The following RTP5 variants were observed in gnomAD, a reference collection of about 807,000 sequenced individuals.
RTP5 encodes receptor-transporting protein 5.
Under a neutral mutation model 23.5 loss-of-function variants are expected in RTP5, and 30 were observed. The observed-to-expected ratio is 1.27, with a 90% CI of 0.95 to 1.73. The LOEUF is 1.73. Among genes scored for constraint, RTP5 ranks in the 40% most tolerant of loss-of-function variants. RTP5 has a pLI of 0.00. For missense variants in RTP5, 807 were observed against 784.2 expected (o/e 1.03, Z -0.35); for synonymous variants, 354 against 342.1 (o/e 1.03, Z -0.38).
In RTP5 at chr2:241,869,811, G is replaced by C. The variant is rs376257428; in HGVS notation, c.55G>C (p.Glu19Gln). ...CAGCACCTTCACCCTGGCCATGGCC[G>C]AGAGGAAGCCCCAGGACGTCTGGGT... ...WASTFTLAMA[E>Q]RKPQDVWVLL... is the part of the protein sequence containing the mutation. The change falls in exon 1 of 2, where the codon GAG (glutamate) becomes CAG (glutamine). Residue 19 changes from glutamate to glutamine, a missense_variant. Transcript: ENST00000343216. 6.4e-7 allele frequency: 1 copy of C among 1,557,582 alleles called. No homozygotes were observed. Among genetic ancestry groups the C allele is most frequent in the Non-Finnish European group, 8.7e-7 (1 of 1,153,144 alleles).
rs1023349107 is a variant in RTP5, at chr2:241,871,698, T to C, written c.159-16T>C. On this transcript the variant is annotated splice_polypyrimidine_tract_variant and intron_variant, in intron 1 of 1. Transcript: ENST00000343216. ...TCTTTCTCCTGCACTCACACACACT[T>C]CTTTCCCCGCCGCAGGCTCCAGTGC... 24 of 1,581,148 alleles carry C rather than the reference T, an allele frequency of 1.5e-5. No homozygotes were observed. In the Admixed American group the frequency reaches 4.1e-4, roughly 27 times the overall value.
In RTP5 at chr2:241,872,384, G is replaced by A. The variant is rs74351113; in HGVS notation, c.829G>A (p.Gly277Ser). The A allele has an allele frequency of 2.1e-5, 34 of 1,612,360 alleles. No individual in the cohort carries two copies. The Admixed American group carries it at 2.3e-4, about 11-fold the overall frequency. ...CCTCTTCCACGGCCCCGGCCTCCTC[G>A]GCAGCAGCATCCAGACCTTCGAGCT... Reference protein sequence around the residue: ...DPLFHGPGLLGSSIQTFELKG... With the variant: ...DPLFHGPGLLSSSIQTFELKG... The change falls in exon 2 of 2, where the codon GGC (glycine) becomes AGC (serine). Residue 277 changes from glycine (G) to serine (S), a missense_variant. Coordinates refer to ENST00000343216, the MANE Select transcript of RTP5 (RefSeq NM_173821.3).
At chr2:241,871,375 G>A (rs575163157) in intron 1 of RTP5, among the ~76,000 whole-genome samples, 248 of 152,366 alleles carry the variant, frequency 1.6e-3, no homozygotes, top group Middle Eastern at 3.4e-3. Flanking sequence ...AGGCTGGAGC[G>A]GGTTTTGTTG....
chr2:241,872,831 C>T lies in RTP5; in HGVS notation c.1276C>T (p.Pro426Ser), dbSNP rs138422162. 8.5e-4 allele frequency: 1,373 copies of T among 1,612,712 alleles called. 11 individuals carry two copies. The East Asian group carries it at 0.013, about 15-fold the overall frequency. ...CAAGGGCTCCCTTGCCCTCCCCTTC[C>T]CTGCTGATGTCCAAGGCAAAGATGC... ...QVKGSLALPF[P>S]ADVQGKDAFT... is the part of the protein sequence containing the mutation. The change falls in exon 2 of 2, where the codon CCT becomes TCT. Residue 426 changes from proline to serine, a missense_variant. Coordinates refer to ENST00000343216, the MANE Select transcript of RTP5 (RefSeq NM_173821.3).
At position 241,872,460 on chromosome 2, in the gene RTP5, TG is replaced by T. The variant is rs779562359; in HGVS notation, c.907del (p.Ala303ProfsTer180). On this transcript the variant is annotated frameshift_variant, in exon 2 of 2. Coordinates refer to ENST00000343216, the MANE Select transcript of RTP5 (RefSeq NM_173821.3). LOFTEE classifies it high-confidence loss of function. ...GRGSLCSPVG[V>X]AQGWGPISLN... ...GGCTCCCTCTGCAGCCCGGTTGGCG[TG>T]GCCCAGGGCTGGGGCCCCATCTCCC... 4 of 1,602,128 alleles carry T rather than the reference TG, an allele frequency of 2.5e-6. No homozygotes were observed.
At chr2:241,870,773 G>A (rs922062237) in intron 1 of RTP5, among the ~76,000 whole-genome samples, 1 of 152,246 alleles carries the variant, frequency 6.6e-6, no homozygotes, top group African/African-American at 2.4e-5. Flanking sequence ...GAGAACTGAG[G>A]ACGGCTGCCC....
In RTP5 at chr2:241,872,070, C is replaced by T. The variant is rs1701330938; in HGVS notation, c.515C>T (p.Pro172Leu). ...GCCAACGCCACAAAAGGCAACTTCC[C>T]CGCCACGGCCTGGGGTGGCACTGGC... ...WSANATKGNF[P>L]ATAWGGTGTV... Residue 172 changes from proline to leucine, a missense_variant, in exon 2 of 2, where the codon CCC becomes CTC. Physicochemically the swap from Pro to Leu is moderately conservative, Grantham distance 98. Coordinates refer to ENST00000343216, the MANE Select transcript of RTP5 (RefSeq NM_173821.3). 6.4e-7 allele frequency: 1 copy of T among 1,572,542 alleles called. No individual in the cohort carries two copies. The highest frequency in any genetic ancestry group is 8.7e-7 in the Non-Finnish European group (1 of 1,154,324).
chr2:241,871,665 G>A (rs567661978), intron 1 of RTP5, 49 bp from the exon 2 acceptor site: 71 of 1,530,308 alleles, frequency 4.6e-5, no homozygotes, highest in South Asian at 7.7e-5. Context: ...AGGGCTGGGC[G>A]TGGGGCCTCT....
At chr2:241,871,583 G>C in intron 1 of RTP5, 131 bp from the exon 2 acceptor site, 1 of 1,254,960 alleles carries the variant, frequency 8.0e-7, no homozygotes, top group Non-Finnish European at 1.1e-6. Flanking sequence ...TGAGGTTTGA[G>C]TGTGGGATGT....
Position 241,872,738 on chromosome 2 carries a change from C to T in RTP5, c.1183C>T (p.Gln395Ter), listed in dbSNP as rs1250745122. 5 of 1,595,622 alleles carry T rather than the reference C, an allele frequency of 3.1e-6. No individual in the cohort carries two copies. The highest frequency in any genetic ancestry group is 3.4e-6 in the Non-Finnish European group (4 of 1,170,064). The change falls in exon 2 of 2, where the codon CAG (glutamine) becomes TAG (stop). Residue 395 changes from glutamine (Q) to a stop codon, truncating the protein, a stop_gained. Coordinates refer to ENST00000343216, the MANE Select transcript of RTP5 (RefSeq NM_173821.3). LOFTEE classifies it high-confidence loss of function. ...AGGCAACGGGAAGGAAGGAGGCGGC[C>T]AGGGCCTCGTCCCAGTGGGTCACGA... ...AEGNGKEGGG[Q>*]GLVPVGHDAL...
In RTP5 at chr2:241,871,753, C is replaced by A. The variant is rs369277961; in HGVS notation, c.198C>A (p.Ala66=). 10 of 1,602,196 alleles carry A rather than the reference C, an allele frequency of 6.2e-6. No individual in the cohort carries two copies. The South Asian group carries it at 1.1e-4, about 18-fold the overall frequency. ...ACTGTCCGGGGACCTGGGACTCGGC[C>A]CATGTGCACGTCCTCTTCCACCTGT... ...CGHCPGTWDS[A]HVHVLFHLWW... is the part of the protein sequence containing the mutation. Residue 66 remains alanine (A), a synonymous_variant, in exon 2 of 2, where the codon GCC becomes GCA. Coordinates refer to ENST00000343216, the MANE Select transcript of RTP5 (RefSeq NM_173821.3).
rs759221620 is a variant in RTP5 at position 241,871,727 on chromosome 2, C to T, written c.172C>T (p.His58Tyr). The change falls in exon 2 of 2, where the codon CAC (histidine) becomes TAC (tyrosine). Residue 58 changes from histidine (H) to tyrosine (Y), a missense_variant. His to Tyr is a moderately conservative substitution (Grantham distance 83). Coordinates refer to ENST00000343216, the MANE Select transcript of RTP5 (RefSeq NM_173821.3). ...LVGLSRLQCG[H>Y]CPGTWDSAHV... ...TCCCCGCCGCAGGCTCCAGTGCGGT[C>T]ACTGTCCGGGGACCTGGGACTCGGC... 6.2e-5 allele frequency: 99 copies of T among 1,605,606 alleles called. No homozygotes were observed. Among genetic ancestry groups the T allele is most frequent in the Non-Finnish European group, 8.2e-5 (96 of 1,176,796 alleles).
In RTP5 at chr2:241,871,037, C is replaced by A. The variant is rs954858853; in HGVS notation, c.159-677C>A. On this transcript the variant is annotated intron_variant, in intron 1 of 1. Coordinates refer to ENST00000343216, the MANE Select transcript of RTP5 (RefSeq NM_173821.3). ...GCTTGTGTGGCTAGCAAATGGTCAC[C>A]GGTCTGATGACCGCCATGGACAAGC... 8 of 470,912 alleles carry A rather than the reference C, an allele frequency of 1.7e-5. No homozygotes were observed. In the Admixed American group the frequency reaches 1.9e-4, roughly 11 times the overall value. 29.2% of individuals were successfully genotyped at this position (470,912 alleles called of 1,614,324 possible).
intron 1 of RTP5, among the ~76,000 whole-genome samples, 200 bp downstream of exon 1, chr2:241,870,114 C>T (rs1192569309): frequency 6.6e-6 from 1 of 152,212 alleles, no homozygotes; most frequent in Non-Finnish European, 1.5e-5. Flanking sequence ...ACGCAGGGGT[C>T]CCGGGGAAGA....
intron 1 of RTP5, chr2:241,871,135 C>T (rs1417505066): frequency 1.3e-5 from 6 of 454,538 alleles, no homozygotes; most frequent in South Asian, 4.7e-5. Context: ...GGGCCATGAC[C>T]GCAGGCCTCC....
In RTP5 at chr2:241,871,706, C is replaced by T. The variant is rs538985988; in HGVS notation, c.159-8C>T. 6.3e-5 allele frequency: 101 copies of T among 1,592,784 alleles called. 1 individual carries two copies. The highest frequency in any genetic ancestry group is 4.8e-4 in the African/African-American group (36 of 74,482). ...CTGCACTCACACACACTTCTTTCCC[C>T]GCCGCAGGCTCCAGTGCGGTCACTG... On this transcript the variant is annotated splice_polypyrimidine_tract_variant and splice_region_variant and intron_variant, in intron 1 of 1. Transcript: ENST00000343216.
chr2:241,870,537 GGTCC>G (rs1452027704), intron 1 of RTP5, among the ~76,000 whole-genome samples: 2 of 152,256 alleles, frequency 1.3e-5, no homozygotes, highest in Admixed American at 6.5e-5. Context: ...GCTGCTGGCT[GGTCC>G]GTCCCTCTGT....
rs1334200072 is a variant in RTP5, at chr2:241,872,745, T to G, written c.1190T>G (p.Leu397Arg). The change falls in exon 2 of 2, where the codon CTC (leucine) becomes CGC (arginine). Residue 397 changes from leucine to arginine, a missense_variant. Coordinates refer to ENST00000343216, the MANE Select transcript of RTP5 (RefSeq NM_173821.3). ...GNGKEGGGQG[L>R]VPVGHDALPE... ...GGGAAGGAAGGAGGCGGCCAGGGCC[T>G]CGTCCCAGTGGGTCACGACGCCCTG... is the stretch of plus-strand genomic sequence containing the variant. The G allele has an allele frequency of 6.3e-7, 1 of 1,596,424 alleles. No individual in the cohort carries two copies. The highest frequency in any genetic ancestry group is 8.5e-7 in the Non-Finnish European group (1 of 1,169,998).
intron 1 of RTP5, among the ~76,000 whole-genome samples, chr2:241,870,198 G>A (rs1169485794): frequency 6.6e-6 from 1 of 152,236 alleles, no homozygotes; most frequent in East Asian, 1.9e-4. Context: ...TTGGACACAG[G>A]CTCATCTCCT....
Sources: gnomAD v4.1 joint callset for allele counts (sites outside exome capture counted in the v4.1 genomes callset) on GRCh38, gnomAD v4.1.1 for gene constraint, MANE v1.5 for transcripts, NCBI Gene and HGNC (gene_info 2026-07-23, HGNC 2026-07-21) for gene names.